MAGI1: variants seen among roughly 807,000 people sequenced by gnomAD.
MAGI1 encodes membrane-associated guanylate kinase, WW and PDZ domain-containing protein 1.
MAGI1 carries 58 observed loss-of-function variants against 139.9 expected under a neutral mutation model. The observed-to-expected ratio is 0.41, with a 90% CI of 0.34 to 0.52. The LOEUF is 0.52. Among genes scored for constraint, MAGI1 ranks in the 20% least tolerant of loss-of-function variants. The probability of loss-of-function intolerance (pLI) is 0.12; values close to 1 mark genes in which losing one functional copy is unlikely to be tolerated. For synonymous variants in MAGI1, 812 were observed against 737.9 expected, an observed-to-expected ratio of 1.10 and a Z score of -1.63; for missense variants, 1,874 against 1,901.6, an observed-to-expected ratio of 0.99 and a Z score of 0.27.
At chr3:65,407,812 C>A (rs576127544) in intron 12 of MAGI1, among the ~76,000 whole-genome samples, 2 of 152,256 alleles carry the variant, frequency 1.3e-5, no homozygotes, top group South Asian at 4.1e-4. Context: ...TGGCAATAAT[C>A]ATCAACAGGA....
At chr3:65,515,924 G>C (rs1357378472) in intron 2 of MAGI1, among the ~76,000 whole-genome samples, 7 of 152,220 alleles carry the variant, frequency 4.6e-5, no homozygotes, top group Admixed American at 4.6e-4. Context: ...AAGTTTATTG[G>C]AGAAGGCAGT....
chr3:65,646,256 A>G (rs1188007337), intron 1 of MAGI1, among the ~76,000 whole-genome samples: 1 of 152,194 alleles, frequency 6.6e-6, no homozygotes, highest in Non-Finnish European at 1.5e-5. Flanking sequence ...CTATGTTAAT[A>G]TCAGACAATG....
intron 1 of MAGI1, among the ~76,000 whole-genome samples, chr3:65,690,892 C>T (rs753520094): frequency 6.6e-6 from 1 of 151,980 alleles, no homozygotes; most frequent in Non-Finnish European, 1.5e-5. Flanking sequence ...ATATTCTGAG[C>T]AAAAGAAATT....
At chr3:65,773,475 G>A (rs1344391096) in intron 1 of MAGI1, among the ~76,000 whole-genome samples, 3 of 152,194 alleles carry the variant, frequency 2.0e-5, no homozygotes, top group Non-Finnish European at 4.4e-5. Flanking sequence ...GGAGTTTGCA[G>A]TGAGCTATGA....
chr3:65,865,966 A>G (rs1023084199), intron 1 of MAGI1, among the ~76,000 whole-genome samples: 3 of 152,174 alleles, frequency 2.0e-5, no homozygotes, highest in Non-Finnish European at 4.4e-5. Flanking sequence ...TAAAACCACA[A>G]TGGCAGCAGC....
At chr3:65,436,721 T>C (rs1947881767) in intron 10 of MAGI1, among the ~76,000 whole-genome samples, 1 of 152,128 alleles carries the variant, frequency 6.6e-6, no homozygotes, top group African/African-American at 2.4e-5. Context: ...ATCTCTGGGA[T>C]GGGTTTGCTC....
chr3:65,851,862 T>C (rs1232849421), intron 1 of MAGI1, among the ~76,000 whole-genome samples: 1 of 152,150 alleles, frequency 6.6e-6, no homozygotes, highest in Non-Finnish European at 1.5e-5. Flanking sequence ...TTCAGTAATA[T>C]AAAAAAGTTT....
intron 1 of MAGI1, among the ~76,000 whole-genome samples, chr3:65,866,589 C>T (rs77606175): frequency 0.015 from 2,241 of 152,156 alleles, 57 homozygotes; most frequent in African/African-American, 0.051. Context: ...ATAACCTGAA[C>T]TTTGGAACAA....
At chr3:65,360,970 G>A (rs989233448) in intron 22 of MAGI1, 2 of 1,426,690 alleles carry the variant, frequency 1.4e-6, no homozygotes, top group Admixed American at 2.9e-5. Context: ...TATCAGAAAG[G>A]GGGCTATAAA....
At chr3:65,733,098 G>A (rs1051165841) in intron 1 of MAGI1, among the ~76,000 whole-genome samples, 5 of 152,022 alleles carry the variant, frequency 3.3e-5, no homozygotes, top group Admixed American at 2.6e-4. Context: ...CTCCCAAGCT[G>A]GAGTGCAATG....
At chr3:65,691,271 C>T (rs548415871) in intron 1 of MAGI1, among the ~76,000 whole-genome samples, 1 of 138,134 alleles carries the variant, frequency 7.2e-6, no homozygotes, top group Non-Finnish European at 1.6e-5. Context: ...TCACTGCACT[C>T]CAGCCTGGGC....
At chr3:65,820,525 C>T (rs2041890511) in intron 1 of MAGI1, among the ~76,000 whole-genome samples, 1 of 152,072 alleles carries the variant, frequency 6.6e-6, no homozygotes, top group Admixed American at 6.5e-5. Context: ...CATTAGGCGT[C>T]CTTAATCTTT....
At chr3:65,565,067 A>G (rs1485524518) in intron 2 of MAGI1, among the ~76,000 whole-genome samples, 2 of 152,238 alleles carry the variant, frequency 1.3e-5, no homozygotes, top group Admixed American at 1.3e-4. Flanking sequence ...AATAGGCTCC[A>G]AAACAAGCCT....
At chr3:65,560,344 G>A (rs372372481) in intron 2 of MAGI1, among the ~76,000 whole-genome samples, 1 of 152,264 alleles carries the variant, frequency 6.6e-6, no homozygotes, top group Non-Finnish European at 1.5e-5. Context: ...ATAAACGCTT[G>A]AGGGGATGGA....
intron 1 of MAGI1, among the ~76,000 whole-genome samples, chr3:65,734,547 AAGAG>A (rs1307525736): frequency 7.6e-6 from 1 of 132,074 alleles, no homozygotes; most frequent in Non-Finnish European, 1.6e-5. Flanking sequence ...GAGAGAGAGA[AAGAG>A]AGAAAGAAAG....
intron 2 of MAGI1, among the ~76,000 whole-genome samples, chr3:65,511,217 C>A (rs980409500): frequency 6.6e-6 from 1 of 150,600 alleles, no homozygotes; most frequent in Non-Finnish European, 1.5e-5. Context: ...AATGTAAAGA[C>A]CATCAAGACT....
intron 2 of MAGI1, among the ~76,000 whole-genome samples, chr3:65,579,861 A>C (rs936138172): frequency 6.6e-6 from 1 of 151,654 alleles, no homozygotes; most frequent in African/African-American, 2.4e-5. Context: ...AAAAAAAAAA[A>C]ACTCGCTCAG....
chr3:65,683,490 G>GAA (rs200435185), intron 1 of MAGI1, among the ~76,000 whole-genome samples: 3,687 of 150,518 alleles, frequency 0.024, 147 homozygotes, highest in African/African-American at 0.084. Context: ...AAAAAGAAAA[G>GAA]AAAAAAAAGA....
intron 1 of MAGI1, among the ~76,000 whole-genome samples, chr3:66,019,623 A>G (rs985300032): frequency 2.0e-5 from 3 of 152,216 alleles, no homozygotes; most frequent in Non-Finnish European, 2.9e-5. Context: ...TGCAAAAATA[A>G]TAATAATAAG....
Sources: gnomAD v4.1 joint callset for allele counts (sites outside exome capture counted in the v4.1 genomes callset) on GRCh38, gnomAD v4.1.1 for gene constraint, MANE v1.5 for transcripts, NCBI Gene and HGNC (gene_info 2026-07-23, HGNC 2026-07-21) for gene names.